MYO16: variants seen among roughly 807,000 people sequenced by gnomAD.
MYO16 encodes the protein unconventional myosin-XVI.
A neutral mutation model predicts 205.3 loss-of-function variants in MYO16; 94 were observed. The ratio of observed to expected loss-of-function variants is 0.46; its 90% CI spans 0.39 to 0.54. MYO16 has a LOEUF of 0.54. MYO16 is among the 20% of genes least tolerant of loss of function. MYO16 has a pLI of 0.00. For missense variants in MYO16, 2,315 were observed against 2,387.5 expected (o/e 0.97, Z 0.63); for synonymous variants, 988 against 954.0 (o/e 1.04, Z -0.66).
the MYO16 span, among the ~76,000 whole-genome samples, chr13:108,545,807 C>A: frequency 6.6e-6 from 1 of 152,110 alleles, no homozygotes; most frequent in Admixed American, 6.6e-5. Flanking sequence ...GCAATGAAGA[C>A]CTTGGCATGT....
chr13:109,156,178 C>T (rs892629716), intron 32 of MYO16, among the ~76,000 whole-genome samples: 3 of 152,146 alleles, frequency 2.0e-5, no homozygotes, highest in Non-Finnish European at 1.5e-5. Context: ...ACAAGCTAGA[C>T]GCCAATTTCA....
At chr13:108,733,977 AT>A (rs1477411876) in intron 4 of MYO16, among the ~76,000 whole-genome samples, 5 of 152,232 alleles carry the variant, frequency 3.3e-5, no homozygotes, top group Admixed American at 2.6e-4. Flanking sequence ...TCAAAAAAAA[AT>A]AAATAAATAA....
chr13:108,951,439 G>A (rs948571042), intron 16 of MYO16, among the ~76,000 whole-genome samples: 1 of 152,226 alleles, frequency 6.6e-6, no homozygotes, highest in African/African-American at 2.4e-5. Flanking sequence ...GGCAAAGGCT[G>A]TGGGGTTGGC....
At chr13:109,074,283 A>G (rs1243941864) in intron 27 of MYO16, among the ~76,000 whole-genome samples, 1 of 152,094 alleles carries the variant, frequency 6.6e-6, no homozygotes, top group Admixed American at 6.6e-5. Flanking sequence ...CCAAGTTCTC[A>G]TCCCCAGACA....
the MYO16 span, among the ~76,000 whole-genome samples, chr13:108,552,508 T>C: frequency 6.6e-6 from 1 of 152,182 alleles, no homozygotes. Context: ...TACTGAACAT[T>C]TTCCCTATAT....
chr13:108,797,703 C>A (rs1886834548), intron 6 of MYO16, among the ~76,000 whole-genome samples: 1 of 152,162 alleles, frequency 6.6e-6, no homozygotes, highest in Non-Finnish European at 1.5e-5. Flanking sequence ...TCATTTATTA[C>A]ACATAATGAA....
intron 2 of MYO16, among the ~76,000 whole-genome samples, chr13:108,695,245 T>A (rs1371139209): frequency 6.6e-6 from 1 of 152,198 alleles, no homozygotes; most frequent in Non-Finnish European, 1.5e-5. Context: ...CATGTGGATA[T>A]CCAGTTGTCC....
chr13:108,947,756 G>A (rs1335309362), intron 16 of MYO16, among the ~76,000 whole-genome samples: 8 of 152,202 alleles, frequency 5.3e-5, no homozygotes, highest in Non-Finnish European at 1.0e-4. Context: ...CTATGTGTAA[G>A]GTGTCAAGAG....
intron 16 of MYO16, among the ~76,000 whole-genome samples, chr13:108,956,699 C>G (rs571646177): frequency 6.6e-6 from 1 of 152,240 alleles, no homozygotes; most frequent in African/African-American, 2.4e-5. Flanking sequence ...ACCTGAAAGC[C>G]TGGGAGTTGC....
At chr13:109,167,358 G>A (rs985788397) in intron 33 of MYO16, 4 of 140,918 alleles carry the variant, frequency 2.8e-5, no homozygotes, top group African/African-American at 1.0e-4. Flanking sequence ...AAAAGGGATG[G>A]CTAAAGCATT....
In MYO16 at chr13:109,055,217, C is replaced by T. The variant is rs533934716; in HGVS notation, c.3129+91C>T. ...AGACTTTTTTTTCCATTTTTGACAA[C>T]TTAAATATCTTCACAAAAAAAGTAA... is the stretch of plus-strand genomic sequence containing the variant. On this transcript the variant is annotated intron_variant, in intron 26 of 34. Coordinates refer to ENST00000457511, the MANE Select transcript of MYO16 (RefSeq NM_001198950.3). The surrounding 1 kb of genome is among the most constrained non-coding windows in gnomAD (Gnocchi z 5.0). 25 of 1,112,448 alleles carry T rather than the reference C, an allele frequency of 2.2e-5. No individual in the cohort carries two copies. The African/African-American group carries it at 3.6e-4, about 16-fold the overall frequency. The allele number at this position is 1,112,448 out of a possible 1,614,324, so 68.9% of individuals were successfully genotyped here.
the MYO16 span, among the ~76,000 whole-genome samples, chr13:108,541,164 C>T: frequency 6.6e-6 from 1 of 151,828 alleles, no homozygotes; most frequent in Non-Finnish European, 1.5e-5. Flanking sequence ...TTAATATTGA[C>T]TATTTGTGAC....
intron 32 of MYO16, among the ~76,000 whole-genome samples, chr13:109,155,827 C>G (rs1285323210): frequency 1.3e-5 from 2 of 152,214 alleles, no homozygotes; most frequent in Admixed American, 6.5e-5. Context: ...CACATCCACC[C>G]ATCTCCACTG....
rs529771365 is a variant in MYO16 at position 109,073,669 on chromosome 13, T to C, written c.3335+18074T>C. On this transcript the variant is annotated intron_variant, in intron 27 of 34. Transcript: ENST00000457511. ...CCTATGCTATGTATTATCAATTTTT[T>C]CTGAAAATGTTATATACATTGACCA... 1.1e-4 allele frequency among the ~76,000 whole-genome samples: 17 copies of C among 152,342 alleles called. No individual in the cohort carries two copies. The East Asian group carries it at 3.3e-3, about 29-fold the overall frequency.
intron 20 of MYO16, among the ~76,000 whole-genome samples, chr13:108,982,357 A>G (rs1884474360): frequency 6.6e-6 from 1 of 152,234 alleles, no homozygotes; most frequent in Admixed American, 6.5e-5. Context: ...ACTTTAACAT[A>G]CACTTTATTT....
chr13:108,549,498 C>T, the MYO16 span, among the ~76,000 whole-genome samples: 1 of 151,918 alleles, frequency 6.6e-6, no homozygotes, highest in African/African-American at 2.4e-5. Context: ...TGTCTTAAGG[C>T]ACTGTTTGTG....
chr13:109,173,952 G>GT (rs200796401), intron 33 of MYO16, among the ~76,000 whole-genome samples: 1 of 147,306 alleles, frequency 6.8e-6, no homozygotes, highest in African/African-American at 2.6e-5. Context: ...TTTGATGGGG[G>GT]GGGGTACTCT....
intron 1 of MYO16, among the ~76,000 whole-genome samples, chr13:108,634,461 A>G (rs1348380783): frequency 6.6e-6 from 1 of 151,854 alleles, no homozygotes. Context: ...CAATCCATCC[A>G]TCTTCCAATT....
chr13:109,104,815 C>T (rs938089970), intron 28 of MYO16, among the ~76,000 whole-genome samples: 2 of 152,150 alleles, frequency 1.3e-5, no homozygotes, highest in African/African-American at 4.8e-5. Context: ...GTTTTGCTCA[C>T]GTGCCAATTC....
Sources: gnomAD v4.1 joint callset for allele counts (sites outside exome capture counted in the v4.1 genomes callset) on GRCh38, gnomAD v4.1.1 for gene constraint, Gnocchi (gnomAD v3.1) non-coding constraint, MANE v1.5 for transcripts, NCBI Gene and HGNC (gene_info 2026-07-23, HGNC 2026-07-21) for gene names.